Variants in INSRR observed in about 807,000 individuals in gnomAD.
INSRR encodes insulin receptor related receptor, also known as insulin receptor-related protein.
Under a neutral mutation model 130.0 loss-of-function variants are expected in INSRR, and 114 were observed. The observed-to-expected ratio is 0.88, with a 90% CI of 0.75 to 1.02. The LOEUF (loss-of-function observed/expected upper bound fraction) is 1.02. Ranked by LOEUF, INSRR falls within the 50% of genes least tolerant of loss-of-function variation. INSRR has a pLI of 0.00. For synonymous variants in INSRR, 674 were observed against 705.2 expected (o/e 0.96, Z 0.70); for missense variants, 1,657 against 1,735.2 (o/e 0.95, Z 0.80).
At position 156,845,717 on chromosome 1, in the gene INSRR, G is replaced by A; in HGVS notation, c.2076C>T (p.His692=). 3.7e-6 allele frequency: 6 copies of A among 1,613,784 alleles called. No homozygotes were observed. Among genetic ancestry groups the A allele is most frequent in the Non-Finnish European group, 5.1e-6 (6 of 1,179,936 alleles). ...GGGGCAGAACCTGACCAGGAGGTGG[G>A]TGCTGGCAAGGGCAGCAGTCGGACT... ...EMESDCCPCQ[H]PPPGQVLPPL... is the part of the protein sequence containing the mutation. Residue 692 remains histidine, a synonymous_variant, in exon 10 of 22, where the codon CAC becomes CAT. Coordinates refer to ENST00000368195, the MANE Select transcript of INSRR (RefSeq NM_014215.3).
chr1:156,849,105 C>G, intron 6 of INSRR, 58 bp from the exon 7 acceptor site: 1 of 1,598,750 alleles, frequency 6.3e-7, no homozygotes, highest in African/African-American at 1.3e-5. Context: ...GAGCGCCCAC[C>G]CTGACCCCGC....
chr1:156,844,585 T>G lies in INSRR; in HGVS notation c.2614A>C (p.Lys872Gln). The G allele has an allele frequency of 6.2e-7, 1 of 1,614,122 alleles. No individual in the cohort carries two copies. The highest frequency in any genetic ancestry group is 8.5e-7 in the Non-Finnish European group (1 of 1,180,008). Residue 872 changes from lysine (K) to glutamine (Q), a missense_variant, in exon 14 of 22, where the codon AAG (lysine) becomes CAG (glutamine). Physicochemically the swap from Lys to Gln is moderately conservative, Grantham distance 53. Transcript: ENST00000368195. ...AGGGCCAGGTGGACTCCCCCAAACT[T>G]CGCATATCGAAGACGGGACACACAC... ...VLCVSRLRYA[K>Q]FGGVHLALLP...
rs772255621 is a variant in INSRR at position 156,841,019 on chromosome 1, G to C, written c.3748C>G (p.Leu1250Val). The C allele has an allele frequency of 6.8e-6, 11 of 1,607,698 alleles. No individual in the cohort carries two copies. In the Admixed American group the frequency reaches 1.9e-4, roughly 27 times the overall value. Residue 1250 changes from leucine (L) to valine (V), a missense_variant, in exon 22 of 22, where the codon CTG becomes GTG. Leu to Val is a conservative substitution (Grantham distance 32). Transcript: ENST00000368195. ...GAGAGGAGGCGGAAGGAGGGCCGCA[G>C]CTCCTCCTGTATGCTGTCCAGAATG... ...THILDSIQEELRPSFRLLSFY... is the reference protein window; with the variant it reads ...THILDSIQEEVRPSFRLLSFY...
At chr1:156,851,470 G>A (rs1037380011) in intron 4 of INSRR, 36 bp from the exon 5 acceptor site, 2 of 1,613,466 alleles carry the variant, frequency 1.2e-6, no homozygotes, top group African/African-American at 1.3e-5. Context: ...GTAGGAGCAA[G>A]GAAGGTGATG....
intron 2 of INSRR, among the ~76,000 whole-genome samples, chr1:156,852,885 G>C (rs1286682032): frequency 6.6e-6 from 1 of 152,302 alleles, no homozygotes; most frequent in Non-Finnish European, 1.5e-5. Context: ...CAGGGATCTT[G>C]TTACTCTCCC....
intron 8 of INSRR, 124 bp from the exon 9 acceptor site, chr1:156,846,243 C>A: frequency 9.5e-7 from 1 of 1,050,320 alleles, no homozygotes; most frequent in Non-Finnish European, 1.3e-6. Flanking sequence ...GATCCTCACC[C>A]CTGGCTTCCT....
At chr1:156,850,534 C>CTTTTTTTTTTTTTTTTTTTTT (rs35237064) in intron 5 of INSRR, among the ~76,000 whole-genome samples, 2 of 58,618 alleles carry the variant, frequency 3.4e-5, no homozygotes, top group Non-Finnish European at 3.6e-5. Flanking sequence ...TTAAAACATT[C>CTTTTTTTTTTTTTTTTTTTTT]TTTTTTTTTT....
chr1:156,849,019 G>A lies in INSRR; in HGVS notation c.1473C>T (p.Ser491=). ...GGATGCGGTCTGCCTCCGTCACGTT[G>A]GACACGAAGCGCAGGGTGCGAGTCT... The part of the protein sequence containing the change: ...ACQTRTLRFV[S]NVTEADRILL... Residue 491 remains serine (S), a synonymous_variant, in exon 7 of 22, where the codon TCC becomes TCT. Coordinates refer to ENST00000368195, the MANE Select transcript of INSRR (RefSeq NM_014215.3). The A allele has an allele frequency of 6.2e-7, 1 of 1,613,476 alleles. No homozygotes were observed.
chr1:156,843,064 C>T lies in INSRR; in HGVS notation c.3066G>A (p.Arg1022=). The part of the protein sequence containing the change: ...LKTVNELASP[R]ECIEFLKEAS... The stretch of plus-strand genomic sequence containing the variant: ...CTTCCTTGAGGAACTCAATGCATTC[C>T]CGTGGGCTGGCCAGCTCATTCACCG... The change falls in exon 17 of 22, where the codon CGG becomes CGA. Residue 1022 remains arginine (R), a synonymous_variant. Transcript: ENST00000368195. The T allele has an allele frequency of 6.2e-7, 1 of 1,614,222 alleles. No individual in the cohort carries two copies. The highest frequency in any genetic ancestry group is 1.3e-5 in the African/African-American group (1 of 75,048).
chr1:156,841,462 AT>A lies in INSRR; in HGVS notation c.3593del (p.Asn1198MetfsTer5), dbSNP rs776090039. ...LAEQPYQGLS[N>X]EQVLKFVMDG... Reference sequence around the variant, plus strand: ...CCATGACGAACTTCAGCACCTGCTCATTGGACAGGCCCTGGTAGGGTTGTTC... The same window carrying A: ...CCATGACGAACTTCAGCACCTGCTCATGGACAGGCCCTGGTAGGGTTGTTC... On this transcript the variant is annotated frameshift_variant, in exon 21 of 22. Transcript: ENST00000368195. LOFTEE classifies it high-confidence loss of function. 8 of 1,613,930 alleles carry A rather than the reference AT, an allele frequency of 5.0e-6. No individual in the cohort carries two copies. The highest frequency in any genetic ancestry group is 6.8e-6 in the Non-Finnish European group (8 of 1,179,942).
At chr1:156,841,556 C>T in intron 20 of INSRR, 28 bp from the exon 21 acceptor site, 1 of 1,613,940 alleles carries the variant, frequency 6.2e-7, no homozygotes, top group South Asian at 1.1e-5. Flanking sequence ...CTCCTGAGCC[C>T]AGCACCCTTC....
At position 156,845,108 on chromosome 1, in the gene INSRR, G is replaced by C. The variant is rs1352967338; in HGVS notation, c.2405C>G (p.Ala802Gly). 1.9e-6 allele frequency: 3 copies of C among 1,610,910 alleles called. No individual in the cohort carries two copies. The highest frequency in any genetic ancestry group is 2.5e-6 in the Non-Finnish European group (3 of 1,179,046). Residue 802 changes from alanine to glycine, a missense_variant, in exon 12 of 22, where the codon GCC (alanine) becomes GGC (glycine). Transcript: ENST00000368195. ...CATGGTGCGCGCAAAGACGAAGGTG[G>C]CGGCGCTGCAGCCCACGGTGTGCGC... ...HAAHTVGCSA[A>G]TFVFARTMPH... is the part of the protein sequence containing the mutation.
chr1:156,842,931 C>T, intron 17 of INSRR, 73 bp downstream of exon 17: 1 of 1,214,168 alleles, frequency 8.2e-7, no homozygotes, highest in Non-Finnish European at 1.2e-6. Context: ...AACCTCATCT[C>T]TGACCCTTTC....
intron 5 of INSRR, among the ~76,000 whole-genome samples, chr1:156,849,904 A>C (rs1470287049): frequency 6.6e-6 from 1 of 150,414 alleles, no homozygotes; most frequent in Non-Finnish European, 1.5e-5. Flanking sequence ...AGACTAGATG[A>C]CTAGATGGTA....
chr1:156,851,619 G>T, intron 4 of INSRR, 27 bp downstream of exon 4: 2 of 1,614,086 alleles, frequency 1.2e-6, no homozygotes, highest in Non-Finnish European at 1.7e-6. Flanking sequence ...CCAGGAGGAG[G>T]GGTGTGGCCC....
rs1198205907 is a variant in INSRR, at chr1:156,840,940, T to A, written c.3827A>T (p.Asp1276Val). Residue 1276 changes from aspartate (D) to valine (V), a missense_variant, in exon 22 of 22, where the codon GAT (aspartate) becomes GTT (valine). Transcript: ENST00000368195. ...RGARGSLPTT[D>V]AEPDSSPTPR... ...AGTGGGTGAGGAGTCAGGCTCTGCATCGGTGGTAGGCAGGGAGCCCCGGGC... is the reference window on the plus strand; with the variant it reads ...AGTGGGTGAGGAGTCAGGCTCTGCAACGGTGGTAGGCAGGGAGCCCCGGGC... 2.5e-6 allele frequency: 4 copies of A among 1,614,032 alleles called. No homozygotes were observed. The highest frequency in any genetic ancestry group is 3.4e-6 in the Non-Finnish European group (4 of 1,179,978).
In INSRR at chr1:156,842,475, G is replaced by T. The variant is rs780069575; in HGVS notation, c.3160C>A (p.Pro1054Thr). ...ATTAACTCCATGATGACCAGAGTTG[G>T]CTGGCCCTGAGATACCACACCCAGG... ...RLLGVVSQGQ[P>T]TLVIMELMTR... Residue 1054 changes from proline (P) to threonine (T), a missense_variant, in exon 18 of 22, where the codon CCA (proline) becomes ACA (threonine). Transcript: ENST00000368195. 6 of 1,613,960 alleles carry T rather than the reference G, an allele frequency of 3.7e-6. No individual in the cohort carries two copies. The highest frequency in any genetic ancestry group is 2.7e-5 in the African/African-American group (2 of 74,888).
rs1348309957 is a variant in INSRR at position 156,841,451 on chromosome 1, A to G, written c.3605T>C (p.Leu1202Pro). ...PYQGLSNEQVLKFVMDGGVLE... is the reference protein window; with the variant it reads ...PYQGLSNEQVPKFVMDGGVLE... ...GACCCCGCCATCCATGACGAACTTC[A>G]GCACCTGCTCATTGGACAGGCCCTG... The change falls in exon 21 of 22, where the codon CTG (leucine) becomes CCG (proline). Residue 1202 changes from leucine to proline, a missense_variant. By Grantham distance (98) the Leu-to-Pro change is moderately conservative. Coordinates refer to ENST00000368195, the MANE Select transcript of INSRR (RefSeq NM_014215.3). The G allele has an allele frequency of 2.5e-6, 4 of 1,613,866 alleles. No homozygotes were observed. The highest frequency in any genetic ancestry group is 1.1e-5 in the South Asian group (1 of 91,082).
intron 16 of INSRR, 74 bp from the exon 17 acceptor site, chr1:156,843,307 C>G: frequency 6.4e-7 from 1 of 1,569,200 alleles, no homozygotes; most frequent in Non-Finnish European, 8.8e-7. Context: ...TTCTCTTCTC[C>G]TCTTCTGAAG....
Sources: gnomAD v4.1 joint callset for allele counts (sites outside exome capture counted in the v4.1 genomes callset) on GRCh38, gnomAD v4.1.1 for gene constraint, MANE v1.5 for transcripts, NCBI Gene and HGNC (gene_info 2026-07-23, HGNC 2026-07-21) for gene names.